The following AP1B1 variants were observed in gnomAD, a reference collection of about 807,000 sequenced individuals.
AP1B1 encodes the protein AP-1 complex subunit beta-1.
In AP1B1, 36 loss-of-function variants were observed where a neutral mutation model predicts 104.3. That is an observed-to-expected ratio of 0.35 (90% CI 0.26 to 0.46). The LOEUF (loss-of-function observed/expected upper bound fraction) is 0.46. Ranked by LOEUF, AP1B1 falls within the 20% of genes least tolerant of loss-of-function variation. The probability of loss-of-function intolerance (pLI) is 1.00; values close to 1 mark genes in which losing one functional copy is unlikely to be tolerated. For synonymous variants in AP1B1, 504 were observed against 517.5 expected, an observed-to-expected ratio of 0.97 and a Z score of 0.35; for missense variants, 901 against 1,247.9, an observed-to-expected ratio of 0.72 and a Z score of 4.19.
intron 1 of AP1B1, among the ~76,000 whole-genome samples, chr22:29,378,860 C>CAAAAAAA: frequency 9.1e-6 from 1 of 110,164 alleles, no homozygotes; most frequent in Non-Finnish European, 1.8e-5. Flanking sequence ...CTCCGTCCCA[C>CAAAAAAA]AAAAAAAAAA....
At position 29,356,498 on chromosome 22, in the gene AP1B1, G is replaced by C; in HGVS notation, c.644C>G (p.Thr215Ser). 1.2e-6 allele frequency: 2 copies of C among 1,614,234 alleles called. No homozygotes were observed. The highest frequency in any genetic ancestry group is 1.7e-6 in the Non-Finnish European group (2 of 1,180,036). The change falls in exon 6 of 23, where the codon ACC becomes AGC. Residue 215 changes from threonine to serine, a missense_variant. Thr to Ser is a moderately conservative substitution (Grantham distance 58). This residue lies in a region of AP1B1 where 471 missense variants were observed against 696.7 expected (regional missense o/e 0.68). Coordinates refer to ENST00000357586, the MANE Select transcript of AP1B1 (RefSeq NM_001127.4). ...NKLLTALNEC[T>S]EWGQIFILDC... ...CAGGATGAAGATCTGGCCCCACTCG[G>C]TGCACTCATTGAGGGCTGTCAGCAG...
chr22:29,331,661 C>A, intron 18 of AP1B1, 126 bp downstream of exon 18: 1 of 1,586,974 alleles, frequency 6.3e-7, no homozygotes, highest in East Asian at 2.2e-5. Context: ...CGTTCCCCAA[C>A]CTGGGCCTCC....
At chr22:29,331,565 G>C (rs1158019390) in intron 18 of AP1B1, 32 bp from the exon 19 acceptor site, 2 of 1,611,686 alleles carry the variant, frequency 1.2e-6, no homozygotes, top group Non-Finnish European at 8.5e-7. Flanking sequence ...GTCAGTCTCT[G>C]GGGCTTGACG....
intron 22 of AP1B1, 121 bp downstream of exon 22, chr22:29,329,590 GC>G (rs1334297423): frequency 3.9e-6 from 6 of 1,544,032 alleles, no homozygotes; most frequent in African/African-American, 1.4e-5. Context: ...CCTGGCTGAA[GC>G]CCCCCGGGTG....
At chr22:29,344,023 T>C (rs1330149997) in intron 11 of AP1B1, among the ~76,000 whole-genome samples, 1 of 151,390 alleles carries the variant, frequency 6.6e-6, no homozygotes, top group African/African-American at 2.4e-5. Context: ...GGCAGGACAA[T>C]TGCTTGAACC....
chr22:29,330,914 G>A (rs1364174368), intron 19 of AP1B1, among the ~76,000 whole-genome samples: 1 of 152,084 alleles, frequency 6.6e-6, no homozygotes, highest in Non-Finnish European at 1.5e-5. Flanking sequence ...AATGACCCTG[G>A]CTTCCTGCCT....
intron 15 of AP1B1, 117 bp from the exon 16 acceptor site, chr22:29,339,250 C>T (rs2061679653): frequency 5.1e-6 from 6 of 1,180,632 alleles, no homozygotes; most frequent in South Asian, 2.8e-5. Context: ...GGCAGGACAG[C>T]CTCCATATCA....
chr22:29,350,975 G>A (rs530386060), intron 9 of AP1B1, among the ~76,000 whole-genome samples, 196 bp downstream of exon 9: 17 of 152,322 alleles, frequency 1.1e-4, no homozygotes, highest in African/African-American at 3.6e-4. Flanking sequence ...GCAGCAACTC[G>A]AAGGCCTAAA....
chr22:29,378,961 G>A (rs1353694845), intron 1 of AP1B1, among the ~76,000 whole-genome samples: 3 of 151,852 alleles, frequency 2.0e-5, no homozygotes, highest in Non-Finnish European at 4.4e-5. Context: ...ACATGCAAAC[G>A]TTCTTATATT....
At chr22:29,363,630 G>GAT (rs914900669) in intron 2 of AP1B1, among the ~76,000 whole-genome samples, 2 of 151,674 alleles carry the variant, frequency 1.3e-5, no homozygotes, top group African/African-American at 4.8e-5. Context: ...CCTGGCGACA[G>GAT]GGCCAAGACT....
intron 1 of AP1B1, among the ~76,000 whole-genome samples, chr22:29,369,837 ATTTTTTT>A (rs564733165): frequency 5.1e-4 from 61 of 120,222 alleles, no homozygotes; most frequent in Admixed American, 9.4e-4. Context: ...ATTAAAAACG[ATTTTTTT>A]TTTTTTTTTT....
rs527397259 is a variant in AP1B1, at chr22:29,327,923, C to T, written c.*898G>A. ...CAGGAAAACCTAATGCTCTGTCAGA[C>T]ACAACTGAAACCTGGGAGGCCAGGA... On this transcript the variant is annotated 3_prime_UTR_variant, in exon 23 of 23. Coordinates refer to ENST00000357586, the MANE Select transcript of AP1B1 (RefSeq NM_001127.4). 24 of 152,692 alleles carry T rather than the reference C, an allele frequency of 1.6e-4. No individual in the cohort carries two copies. Among genetic ancestry groups the T allele is most frequent in the African/African-American group, 5.8e-4 (24 of 41,534 alleles). 9.5% of individuals were successfully genotyped at this position (152,692 alleles called of 1,614,324 possible).
At chr22:29,342,865 C>T (rs1418434366) in intron 11 of AP1B1, among the ~76,000 whole-genome samples, 1 of 152,230 alleles carries the variant, frequency 6.6e-6, no homozygotes, top group Non-Finnish European at 1.5e-5. Flanking sequence ...GGTGGCCCTC[C>T]ACCGGCCCCT....
chr22:29,345,225 A>G (rs74743196), intron 11 of AP1B1, among the ~76,000 whole-genome samples: 1 of 133,880 alleles, frequency 7.5e-6, no homozygotes, highest in African/African-American at 2.8e-5. Context: ...CACCCAGTTC[A>G]TTTTTTTTTT....
rs189370013 is a variant in AP1B1, at chr22:29,347,358, C to A, written c.1437+1860G>T. On this transcript the variant is annotated intron_variant, in intron 11 of 22. Transcript: ENST00000357586. The stretch of plus-strand genomic sequence containing the variant: ...GTGTCAAGGACATTACACAAAGCAC[C>A]CTAATTTAACTTTCGTAGCAAGAGG... Among the ~76,000 whole-genome samples, 339 of 152,248 alleles carry A rather than the reference C, an allele frequency of 2.2e-3. 1 individual carries two copies. Among genetic ancestry groups the A allele is most frequent in the South Asian group, 0.021 (99 of 4,818 alleles).
chr22:29,328,898 G>T lies in AP1B1; in HGVS notation c.2776-3C>A. The T allele has an allele frequency of 6.2e-7, 1 of 1,607,542 alleles. No homozygotes were observed. On this transcript the variant is annotated splice_region_variant and splice_polypyrimidine_tract_variant and intron_variant, in intron 22 of 22. Transcript: ENST00000357586. The surrounding 1 kb of genome is among the most constrained non-coding windows in gnomAD (Gnocchi z 4.1). ...GGTGCTCGACACTTCAGGGACAGCT[G>T]CAGGGGAGAGAGGGGTCGGGGGAAA...
chr22:29,354,752 G>A lies in AP1B1; in HGVS notation c.836C>T (p.Thr279Ile). The A allele has an allele frequency of 6.2e-7, 1 of 1,614,078 alleles. No individual in the cohort carries two copies. Among genetic ancestry groups the A allele is most frequent in the Non-Finnish European group, 8.5e-7 (1 of 1,180,028 alleles). ...GGGTGGGGCCAGCTTCTTGAGCAGT[G>A]TGCCGTAGTAGTCCAAGTCCTTAGA... ...MLSKDLDYYG[T>I]LLKKLAPPLV... The change falls in exon 7 of 23, where the codon ACA becomes ATA. Residue 279 changes from threonine (T) to isoleucine (I), a missense_variant. By Grantham distance (89) the Thr-to-Ile change is moderately conservative. Transcript: ENST00000357586.
chr22:29,362,562 G>A (rs2062067298), intron 3 of AP1B1, among the ~76,000 whole-genome samples: 1 of 152,054 alleles, frequency 6.6e-6, no homozygotes, highest in Admixed American at 6.5e-5. Flanking sequence ...GGCCAGGCTG[G>A]TGTCGAACTC....
At position 29,350,062 on chromosome 22, in the gene AP1B1, T is replaced by C; in HGVS notation, c.1244A>G (p.Lys415Arg). ...YVVQEAIVVI[K>R]DIFRKYPNKY... ...GTTGGGGTACTTGCGGAAGATGTCC[T>C]TGATGACCACGATGGCCTCCTGGAC... Residue 415 changes from lysine (K) to arginine (R), a missense_variant, in exon 10 of 23, where the codon AAG becomes AGG. Transcript: ENST00000357586. 2 of 1,614,188 alleles carry C rather than the reference T, an allele frequency of 1.2e-6. No individual in the cohort carries two copies. The highest frequency in any genetic ancestry group is 1.1e-5 in the South Asian group (1 of 91,080).
Sources: allele counts gnomAD v4.1 joint callset (sites outside exome capture counted in the v4.1 genomes callset), GRCh38; gene constraint gnomAD v4.1.1; regional missense constraint gnomAD v4.1.1; non-coding constraint Gnocchi (gnomAD v3.1); transcripts MANE v1.5; gene names NCBI Gene and HGNC (gene_info 2026-07-23, HGNC 2026-07-21).